The following BTAF1 variants were observed in gnomAD, a reference collection of about 807,000 sequenced individuals.
BTAF1 encodes the protein B-TFIID TATA-box binding protein associated factor 1, also known as TATA-binding protein-associated factor 172.
Under a neutral mutation model 227.1 loss-of-function variants are expected in BTAF1, and 38 were observed. The observed-to-expected ratio is 0.17, with a 90% confidence interval of 0.13 to 0.22. The LOEUF is 0.22. Among genes scored for constraint, BTAF1 ranks in the 10% least tolerant of loss-of-function variants. The pLI is 1.00. For synonymous variants in BTAF1, 742 were observed against 751.9 expected (o/e 0.99, Z 0.21); for missense variants, 1,598 against 2,204.0 (o/e 0.73, Z 5.51).
At position 91,948,287 on chromosome 10, in the gene BTAF1, C is replaced by T. The variant is rs531150020; in HGVS notation, c.401-3116C>T. 2.0e-5 allele frequency among the ~76,000 whole-genome samples: 3 copies of T among 151,336 alleles called. No homozygotes were observed. The East Asian group carries it at 5.8e-4, about 29-fold the overall frequency. On this transcript the variant is annotated intron_variant, in intron 4 of 37. Coordinates refer to ENST00000265990, the MANE Select transcript of BTAF1 (RefSeq NM_003972.3). ...ATCTTTAAGTTCACTTGCATTTTGT[C>T]CTGTTATCTTCCATTAAGCTGTTAA... is the stretch of plus-strand genomic sequence containing the variant.
At chr10:91,945,914 G>T (rs1478082478) in intron 4 of BTAF1, among the ~76,000 whole-genome samples, 1 of 152,152 alleles carries the variant, frequency 6.6e-6, no homozygotes, top group Non-Finnish European at 1.5e-5. Flanking sequence ...GTACACAAGG[G>T]TTCCAATTTC....
chr10:91,953,659 GTCT>G (rs1845911780), intron 5 of BTAF1, 75 bp from the exon 6 acceptor site: 26 of 1,485,566 alleles, frequency 1.8e-5, no homozygotes, highest in Middle Eastern at 1.8e-4. Context: ...TATAGACTTG[GTCT>G]TCTTCTGAGG....
intron 1 of BTAF1, among the ~76,000 whole-genome samples, chr10:91,926,407 A>G (rs189330242): frequency 1.4e-3 from 208 of 152,330 alleles, no homozygotes; most frequent in African/African-American, 4.8e-3. Flanking sequence ...CTGGTCAAGA[A>G]ATTTGAGAAT....
At chr10:91,926,379 C>T (rs1420028997) in intron 1 of BTAF1, among the ~76,000 whole-genome samples, 3 of 152,036 alleles carry the variant, frequency 2.0e-5, no homozygotes, top group Non-Finnish European at 4.4e-5. Context: ...AAGTTAGTAC[C>T]ATTATTCCCT....
chr10:92,019,531 G>A (rs1474821675), intron 34 of BTAF1, among the ~76,000 whole-genome samples: 2 of 152,188 alleles, frequency 1.3e-5, no homozygotes, highest in African/African-American at 4.8e-5. Context: ...ACTAAGGAGT[G>A]GAATAGGTAG....
chr10:91,984,033 GATGTA>G (rs1848235904), intron 18 of BTAF1, among the ~76,000 whole-genome samples, 163 bp from the exon 19 acceptor site: 1 of 151,994 alleles, frequency 6.6e-6, no homozygotes, highest in Non-Finnish European at 1.5e-5. Flanking sequence ...CAATAATTTG[GATGTA>G]ATACCTTTTT....
chr10:92,021,337 A>G (rs1001376222), intron 34 of BTAF1, among the ~76,000 whole-genome samples: 12 of 152,166 alleles, frequency 7.9e-5, no homozygotes, highest in South Asian at 2.1e-4. Context: ...TATTTTGACT[A>G]TGTGAGACTT....
intron 13 of BTAF1, 119 bp from the exon 14 acceptor site, chr10:91,966,518 T>G (rs1366816723): frequency 2.0e-6 from 2 of 983,152 alleles, no homozygotes; most frequent in Non-Finnish European, 3.0e-6. Flanking sequence ...TTTAAGAATT[T>G]ATTCATCAAA....
intron 5 of BTAF1, among the ~76,000 whole-genome samples, chr10:91,953,351 A>T (rs1019097414): frequency 3.3e-5 from 5 of 152,056 alleles, no homozygotes; most frequent in African/African-American, 4.8e-5. Context: ...TTATTTATTT[A>T]TTTTTTTCAG....
chr10:91,991,271 A>AAATATATATAT (rs1564699928), intron 20 of BTAF1, among the ~76,000 whole-genome samples: 5 of 66,212 alleles, frequency 7.6e-5, no homozygotes, highest in South Asian at 5.9e-4. Context: ...TATAAATATA[A>AAATATATATAT]ATATATATAT....
chr10:91,960,587 G>GT (rs369256520), intron 11 of BTAF1, among the ~76,000 whole-genome samples: 55,401 of 140,226 alleles, frequency 0.4, 11,954 homozygotes, highest in African/African-American at 0.62. Flanking sequence ...AACTGTCAGT[G>GT]TTTTTTTTTT....
intron 14 of BTAF1, among the ~76,000 whole-genome samples, chr10:91,976,411 A>G (rs1242808245): frequency 1.3e-5 from 2 of 152,208 alleles, no homozygotes; most frequent in East Asian, 1.9e-4. Flanking sequence ...CAACCCCTCT[A>G]GCTCTGGAGG....
chr10:91,989,537 C>T lies in BTAF1; in HGVS notation c.2811C>T (p.Val937=). The T allele has an allele frequency of 6.2e-7, 1 of 1,613,088 alleles. No individual in the cohort carries two copies. Among genetic ancestry groups the T allele is most frequent in the South Asian group, 1.1e-5 (1 of 90,960 alleles). ...LCVDPYLTPC[V]TCPVPTQSGQ... ...TGGACCCATATCTAACTCCTTGTGT[C>T]ACATGTCCAGTACCAACACAAAGTG... Residue 937 remains valine (V), a synonymous_variant, in exon 20 of 38, where the codon GTC becomes GTT. Coordinates refer to ENST00000265990, the MANE Select transcript of BTAF1 (RefSeq NM_003972.3).
chr10:91,957,215 T>C lies in BTAF1; in HGVS notation c.832-10T>C. 6.2e-7 allele frequency: 1 copy of C among 1,610,570 alleles called. No individual in the cohort carries two copies. The highest frequency in any genetic ancestry group is 8.5e-7 in the Non-Finnish European group (1 of 1,177,510). On this transcript the variant is annotated splice_polypyrimidine_tract_variant and intron_variant, in intron 7 of 37. Coordinates refer to ENST00000265990, the MANE Select transcript of BTAF1 (RefSeq NM_003972.3). The stretch of plus-strand genomic sequence containing the variant: ...TTTGAACTAGTAGTAATTCTGTTTT[T>C]CTTATTCAGACAAATGAATGGCCTT...
chr10:91,977,814 A>G (rs1847796181), intron 14 of BTAF1, among the ~76,000 whole-genome samples: 1 of 152,202 alleles, frequency 6.6e-6, no homozygotes, highest in Non-Finnish European at 1.5e-5. Context: ...TCCTGGCAAC[A>G]TACGATGTGG....
chr10:91,995,691 GAAAA>G (rs964803845), intron 23 of BTAF1, among the ~76,000 whole-genome samples: 1 of 147,638 alleles, frequency 6.8e-6, no homozygotes, highest in African/African-American at 2.5e-5. Context: ...AAAAAAGAAG[GAAAA>G]AAAAAAGTAG....
chr10:92,017,250 G>A (rs2134147160), intron 33 of BTAF1, among the ~76,000 whole-genome samples: 1 of 152,292 alleles, frequency 6.6e-6, no homozygotes, highest in African/African-American at 2.4e-5. Context: ...GGTGACATTT[G>A]AGCAAAGATC....
In BTAF1 at chr10:92,011,381, A is replaced by G. The variant is rs770725406; in HGVS notation, c.4277A>G (p.Asn1426Ser). The stretch of plus-strand genomic sequence containing the variant: ...AAAGCAGTAAAACAACTGACTGCTA[A>G]TTATAGGATTATTCTTTCTGGAACA... ...LSKAVKQLTA[N>S]YRIILSGTPI... The change falls in exon 30 of 38, where the codon AAT (asparagine) becomes AGT (serine). Residue 1426 changes from asparagine (N) to serine (S), a missense_variant. Asn to Ser is a conservative substitution (Grantham distance 46). Transcript: ENST00000265990. The G allele has an allele frequency of 2.7e-6, 4 of 1,461,036 alleles. No homozygotes were observed. In the South Asian group the frequency reaches 6.3e-5, roughly 23 times the overall value. The allele number at this position is 1,461,036 out of a possible 1,614,324, so 90.5% of individuals were successfully genotyped here. A position where few individuals can be genotyped will look rare whatever the true frequency, so the allele number is the denominator to read the frequency against.
In BTAF1 at chr10:92,031,360, T is replaced by C. The variant is rs368180221; in HGVS notation, c.*2427T>C. 1.3e-5 allele frequency among the ~76,000 whole-genome samples: 2 copies of C among 152,326 alleles called. No individual in the cohort carries two copies. The highest frequency in any genetic ancestry group is 4.8e-5 in the African/African-American group (2 of 41,574). ...AAAAGTCTTTGATGTTGGGACTGAT[T>C]GAACTGGTATAGCCTTATTCCTTCT... On this transcript the variant is annotated 3_prime_UTR_variant, in exon 38 of 38. Transcript: ENST00000265990.
Sources: gnomAD v4.1 joint callset for allele counts (sites outside exome capture counted in the v4.1 genomes callset) on GRCh38, gnomAD v4.1.1 for gene constraint, MANE v1.5 for transcripts, NCBI Gene and HGNC (gene_info 2026-07-23, HGNC 2026-07-21) for gene names.